LOC400499: variants seen among roughly 807,000 people sequenced by gnomAD.
chr16:11,470,003 A>G, the LOC400499 span, among the ~76,000 whole-genome samples: 2 of 152,062 alleles, frequency 1.3e-5, no homozygotes, highest in Non-Finnish European at 2.9e-5. Flanking sequence ...CCCAGGTTCA[A>G]GTGATTCTCC....
At chr16:11,514,610 G>A in the LOC400499 span, 1 of 399,500 alleles carries the variant, frequency 2.5e-6, no homozygotes, top group Non-Finnish European at 4.4e-6. Context: ...CTGGGACCAA[G>A]GGGAGGAGGG....
At chr16:11,449,714 C>T in the LOC400499 span, among the ~76,000 whole-genome samples, 4 of 152,246 alleles carry the variant, frequency 2.6e-5, no homozygotes, top group Non-Finnish European at 5.9e-5. Context: ...TCCCATGTCA[C>T]TGATCCTTGG....
chr16:11,419,869 A>G, the LOC400499 span, among the ~76,000 whole-genome samples: 1 of 151,584 alleles, frequency 6.6e-6, no homozygotes, highest in Non-Finnish European at 1.5e-5. Context: ...GCCATCAGAG[A>G]AATGCAAATC....
chr16:11,466,668 C>T, the LOC400499 span, among the ~76,000 whole-genome samples: 2 of 152,092 alleles, frequency 1.3e-5, no homozygotes, highest in Non-Finnish European at 2.9e-5. Flanking sequence ...GGATTATAGG[C>T]GTGAGCCACC....
chr16:11,382,417 T>TG, the LOC400499 span, among the ~76,000 whole-genome samples: 1 of 152,304 alleles, frequency 6.6e-6, no homozygotes, highest in South Asian at 2.1e-4. Context: ...GCCCATTTAG[T>TG]GGGGCTTTGG....
the LOC400499 span, chr16:11,383,945 G>T: frequency 8.1e-7 from 1 of 1,231,924 alleles, no homozygotes; most frequent in Non-Finnish European, 1.0e-6. Context: ...CAGCAGGCGG[G>T]GAGCTGTCCC....
At chr16:11,384,012 G>T in the LOC400499 span, 1 of 1,231,808 alleles carries the variant, frequency 8.1e-7, no homozygotes, top group East Asian at 3.2e-5. Flanking sequence ...CACCCACCTG[G>T]CAGGATGGAT....
the LOC400499 span, among the ~76,000 whole-genome samples, chr16:11,406,771 C>T: frequency 1.8e-3 from 275 of 152,326 alleles, no homozygotes; most frequent in African/African-American, 6.1e-3. Context: ...TATCATCCAC[C>T]GCTAGCTCAT....
chr16:11,454,149 G>T, the LOC400499 span, among the ~76,000 whole-genome samples: 1 of 152,218 alleles, frequency 6.6e-6, no homozygotes, highest in African/African-American at 2.4e-5. Context: ...AGAAGCATCA[G>T]ATCTCCCAAT....
the LOC400499 span, among the ~76,000 whole-genome samples, chr16:11,513,168 G>T: frequency 6.6e-6 from 1 of 152,116 alleles, no homozygotes; most frequent in Non-Finnish European, 1.5e-5. Context: ...CTTTGGGAGG[G>T]CGAGGTGGAA....
chr16:11,468,050 G>C, the LOC400499 span, among the ~76,000 whole-genome samples: 2 of 151,776 alleles, frequency 1.3e-5, no homozygotes, highest in Non-Finnish European at 2.9e-5. Flanking sequence ...CCAGGAGCGA[G>C]ACCTAGGTCA....
chr16:11,460,706 G>A, the LOC400499 span: 4 of 1,430,254 alleles, frequency 2.8e-6, no homozygotes, highest in Non-Finnish European at 2.8e-6. Context: ...CCTGGCCTCA[G>A]CCACACCCCC....
At chr16:11,505,193 A>G in the LOC400499 span, among the ~76,000 whole-genome samples, 9 of 151,832 alleles carry the variant, frequency 5.9e-5, no homozygotes, top group African/African-American at 2.2e-4. Flanking sequence ...GCCGATCGTC[A>G]TGGTGTAAAT....
chr16:11,414,034 A>G, the LOC400499 span, among the ~76,000 whole-genome samples: 1 of 152,158 alleles, frequency 6.6e-6, no homozygotes, highest in South Asian at 2.1e-4. Context: ...GGCTGGGCAC[A>G]GGGCAGGGCT....
the LOC400499 span, among the ~76,000 whole-genome samples, chr16:11,407,536 C>T: frequency 1.3e-5 from 2 of 152,208 alleles, no homozygotes; most frequent in South Asian, 2.1e-4. Context: ...GGCCATCAAG[C>T]GTGGCCATGG....
the LOC400499 span, chr16:11,456,993 A>T: frequency 6.5e-7 from 1 of 1,535,840 alleles, no homozygotes; most frequent in African/African-American, 1.4e-5. Flanking sequence ...CAAGTGGTAA[A>T]GCTGCACGCG....
At chr16:11,441,805 A>G in the LOC400499 span, among the ~76,000 whole-genome samples, 27 of 151,838 alleles carry the variant, frequency 1.8e-4, no homozygotes, top group African/African-American at 6.3e-4. Flanking sequence ...AAGGAAACAG[A>G]CTCTCCTCTG....
chr16:11,477,363 C>T, the LOC400499 span, among the ~76,000 whole-genome samples: 2 of 152,226 alleles, frequency 1.3e-5, no homozygotes, highest in African/African-American at 4.8e-5. Context: ...ATGACAGGTT[C>T]CAGAATCGGA....
chr16:11,396,407 T>C, the LOC400499 span: 1 of 1,108,858 alleles, frequency 9.0e-7, no homozygotes, highest in Non-Finnish European at 1.1e-6. Context: ...AGCCACTAGA[T>C]GGCGGGGCCG....
Sources: allele counts gnomAD v4.1 joint callset (sites outside exome capture counted in the v4.1 genomes callset), GRCh38; gene constraint gnomAD v4.1.1; transcripts MANE v1.5.